Variants in POLK observed in about 807,000 individuals in gnomAD.
The protein encoded by POLK is DNA polymerase kappa.
In POLK, 76 loss-of-function variants were observed where a neutral mutation model predicts 94.0. The ratio of observed to expected loss-of-function variants is 0.81; its 90% CI spans 0.67 to 0.98. The LOEUF (loss-of-function observed/expected upper bound fraction) is 0.98. Among genes scored for constraint, POLK ranks in the 50% least tolerant of loss-of-function variants. The pLI is 0.00. For synonymous variants in POLK, 349 were observed against 325.4 expected, an observed-to-expected ratio of 1.07 and a Z score of -0.78; for missense variants, 954 against 1,010.1, an observed-to-expected ratio of 0.94 and a Z score of 0.75.
chr5:75,596,709 A>G (rs548342364), exon 13 of POLK: 1 of 1,614,002 alleles, frequency 6.2e-7, no homozygotes, highest in Admixed American at 1.7e-5. Flanking sequence ...TTAACAAGAA[A>G]GAAAATGTTC....
intron 12 of POLK, among the ~76,000 whole-genome samples, chr5:75,595,772 C>T (rs568828004): frequency 2.0e-5 from 3 of 152,216 alleles, no homozygotes; most frequent in Admixed American, 6.5e-5. Flanking sequence ...AACAAATGTA[C>T]CACTCTAGTG....
At chr5:75,558,882 A>C (rs998856112) in intron 3 of POLK, among the ~76,000 whole-genome samples, 10 of 152,196 alleles carry the variant, frequency 6.6e-5, no homozygotes, top group Non-Finnish European at 8.8e-5. Flanking sequence ...ACTGTTAGCT[A>C]TTCATACTAT....
the POLK span, among the ~76,000 whole-genome samples, chr5:75,607,640 T>C: frequency 2.0e-5 from 3 of 152,160 alleles, 1 homozygote; most frequent in East Asian, 5.8e-4. Flanking sequence ...AGGGGGATGG[T>C]AGAGTAGTGG....
At chr5:75,596,236 A>G (rs766632797) in exon 13 of POLK, 1 of 1,583,836 alleles carries the variant, frequency 6.3e-7, no homozygotes, top group South Asian at 1.1e-5. Flanking sequence ...TCGGATATCT[A>G]GTTTTCCCAA....
At chr5:75,581,151 C>T in intron 6 of POLK, 58 bp from the exon 7 acceptor site, 1 of 1,217,894 alleles carries the variant, frequency 8.2e-7, no homozygotes, top group Non-Finnish European at 1.2e-6. Context: ...GGAAACCTAA[C>T]TTATGAAGTA....
intron 5 of POLK, among the ~76,000 whole-genome samples, chr5:75,575,215 C>T (rs967013654): frequency 3.3e-5 from 5 of 152,100 alleles, no homozygotes; most frequent in African/African-American, 1.2e-4. Flanking sequence ...GGGTCTCACC[C>T]CATAGCCCAG....
At chr5:75,605,265 T>C (rs956828328), downstream of POLK, among the ~76,000 whole-genome samples, 2 of 152,188 alleles carry the variant, frequency 1.3e-5, no homozygotes, top group Non-Finnish European at 2.9e-5. Flanking sequence ...AGTTGTCTAA[T>C]ATCTGGCCTT....
intron 1 of POLK, 52 bp from the exon 2 acceptor site, chr5:75,546,958 C>T (rs1040097722): frequency 1.4e-5 from 14 of 974,600 alleles, no homozygotes; most frequent in Middle Eastern, 2.5e-4. Flanking sequence ...TGAGCCACCA[C>T]GCCTGGCCAC....
chr5:75,608,640 CTT>C, the POLK span, among the ~76,000 whole-genome samples: 1 of 152,172 alleles, frequency 6.6e-6, no homozygotes, highest in Non-Finnish European at 1.5e-5. Flanking sequence ...GTAGGGGACA[CTT>C]TTAGAATAAG....
intron 7 of POLK, chr5:75,581,992 T>C (rs1322029862): frequency 1.0e-6 from 1 of 984,768 alleles, no homozygotes; most frequent in Non-Finnish European, 1.2e-6. Flanking sequence ...AAATTTCATA[T>C]AGCTATCTTT....
intron 7 of POLK, chr5:75,582,715 A>C (rs1171287420): frequency 2.0e-5 from 3 of 152,422 alleles, no homozygotes; most frequent in African/African-American, 7.2e-5. Context: ...TGGGAGGCCG[A>C]AGCTCGTGGA....
At chr5:75,565,371 G>A (rs1771215221) in intron 3 of POLK, among the ~76,000 whole-genome samples, 1 of 152,090 alleles carries the variant, frequency 6.6e-6, no homozygotes, top group African/African-American at 2.4e-5. Flanking sequence ...ACCTTCTGAA[G>A]CCTACTTCTG....
intron 1 of POLK, among the ~76,000 whole-genome samples, chr5:75,523,322 G>A (rs970706847): frequency 6.6e-6 from 1 of 152,160 alleles, no homozygotes; most frequent in Non-Finnish European, 1.5e-5. Context: ...ACATAAGAAA[G>A]GTATGTCTGT....
intron 13 of POLK, chr5:75,597,422 C>G (rs527392106): frequency 5.7e-5 from 25 of 441,900 alleles, no homozygotes; most frequent in African/African-American, 4.4e-4. Flanking sequence ...GTTTAAGGAG[C>G]TGAGTGATCT....
At chr5:75,547,417 G>T (rs574761683) in intron 2 of POLK, among the ~76,000 whole-genome samples, 1 of 150,978 alleles carries the variant, frequency 6.6e-6, no homozygotes, top group African/African-American at 2.4e-5. Context: ...TTTAACCCCA[G>T]TGGGAGAAAT....
chr5:75,559,649 G>A (rs1365267787), intron 3 of POLK, among the ~76,000 whole-genome samples: 2 of 142,716 alleles, frequency 1.4e-5, no homozygotes, highest in African/African-American at 2.6e-5. Context: ...CAGTCCTCCC[G>A]CCTCAGCCTC....
downstream of POLK, among the ~76,000 whole-genome samples, chr5:75,602,873 A>T (rs971494653): frequency 2.0e-5 from 3 of 152,234 alleles, no homozygotes; most frequent in Non-Finnish European, 4.4e-5. Flanking sequence ...AAGTATTTAT[A>T]AATTTAATTC....
downstream of POLK, among the ~76,000 whole-genome samples, chr5:75,601,794 C>T (rs1016732199): frequency 2.0e-5 from 3 of 152,120 alleles, no homozygotes; most frequent in Non-Finnish European, 4.4e-5. Flanking sequence ...AGACTGGCTT[C>T]CTGGCTTCTC....
intron 1 of POLK, among the ~76,000 whole-genome samples, chr5:75,529,380 T>C (rs887718400): frequency 2.0e-5 from 3 of 151,540 alleles, no homozygotes; most frequent in Non-Finnish European, 4.4e-5. Context: ...GGGTCATAGG[T>C]CATGACCTAC....
Sources: allele counts gnomAD v4.1 joint callset (sites outside exome capture counted in the v4.1 genomes callset), GRCh38; gene constraint gnomAD v4.1.1; transcripts MANE v1.5; gene names NCBI Gene and HGNC (gene_info 2026-07-23, HGNC 2026-07-21).